The following VXN variants were observed in gnomAD, a reference collection of about 807,000 sequenced individuals.
The protein encoded by VXN is vexin.
A neutral mutation model predicts 23.1 loss-of-function variants in VXN; 7 were observed. The observed-to-expected ratio is 0.30, with a 90% CI of 0.17 to 0.57. The LOEUF (loss-of-function observed/expected upper bound fraction) is 0.57, where lower values mean the gene tolerates loss of function less well. VXN is among the 20% of genes least tolerant of loss of function. The pLI, the probability that VXN is intolerant of heterozygous loss-of-function variation, is 0.91. For synonymous variants in VXN, 120 were observed against 105.8 expected (o/e 1.13, Z -0.83); for missense variants, 238 against 272.6 (o/e 0.87, Z 0.89).
At chr8:66,501,182 GTTC>G in intron 2 of VXN, 1 of 152,168 alleles carries the variant, frequency 6.6e-6, no homozygotes, top group South Asian at 2.1e-4. Flanking sequence ...AGCCAATTTT[GTTC>G]TTTTTTATGG....
chr8:66,510,729 C>T (rs905279359), intron 4 of VXN, among the ~76,000 whole-genome samples: 5 of 152,178 alleles, frequency 3.3e-5, no homozygotes, highest in African/African-American at 1.2e-4. Flanking sequence ...TGACCACCTT[C>T]TCACTGTGGG....
At chr8:66,493,876 G>T (rs1807594320) in intron 1 of VXN, among the ~76,000 whole-genome samples, 158 bp downstream of exon 1, 1 of 152,112 alleles carries the variant, frequency 6.6e-6, no homozygotes, top group Admixed American at 6.6e-5. Flanking sequence ...GGGGGAAAGA[G>T]GCACAAGGAT....
chr8:66,505,617 G>A, intron 3 of VXN, 89 bp downstream of exon 3: 1 of 1,386,312 alleles, frequency 7.2e-7, no homozygotes, highest in Non-Finnish European at 9.4e-7. Flanking sequence ...GGGCAGCGTT[G>A]GCGGTGGCTG....
intron 5 of VXN, 96 bp downstream of exon 5, chr8:66,513,733 C>A: frequency 2.1e-6 from 2 of 937,618 alleles, no homozygotes; most frequent in Non-Finnish European, 3.3e-6. Flanking sequence ...TTGACAGACC[C>A]TCGAGAGGCC....
intron 2 of VXN, among the ~76,000 whole-genome samples, chr8:66,497,899 G>A (rs1300090189): frequency 1.3e-5 from 2 of 151,830 alleles, no homozygotes; most frequent in African/African-American, 2.4e-5. Context: ...CAGGCGCAGT[G>A]GCTCACGCCT....
At chr8:66,503,316 A>G (rs1359949351) in intron 2 of VXN, 2 of 152,216 alleles carry the variant, frequency 1.3e-5, no homozygotes. Context: ...GAATTGGGCT[A>G]GAACATTTCT....
At chr8:66,505,305 G>A in intron 2 of VXN, 70 bp from the exon 3 acceptor site, 1 of 1,543,932 alleles carries the variant, frequency 6.5e-7, no homozygotes, top group Non-Finnish European at 8.8e-7. Flanking sequence ...CAAAGCTCCT[G>A]CCCTGGGGTT....
chr8:66,501,103 T>G (rs1278910804), intron 2 of VXN: 1 of 152,064 alleles, frequency 6.6e-6, no homozygotes, highest in Non-Finnish European at 1.5e-5. Context: ...CCCAAACTCC[T>G]GACCTCAAAT....
chr8:66,513,427 A>G (rs1036829457), intron 4 of VXN, 113 bp from the exon 5 acceptor site: 8 of 877,144 alleles, frequency 9.1e-6, no homozygotes, highest in Non-Finnish European at 1.5e-5. Flanking sequence ...GATGAGGACT[A>G]TGCCCAGGCG....
In VXN at chr8:66,510,106, T is replaced by C. The variant is rs1312871894; in HGVS notation, c.291T>C (p.Ser97=). 1 of 1,613,880 alleles carries C rather than the reference T, an allele frequency of 6.2e-7. No homozygotes were observed. The highest frequency in any genetic ancestry group is 8.5e-7 in the Non-Finnish European group (1 of 1,179,928). Residue 97 remains serine (S), a synonymous_variant, in exon 4 of 6, where the codon TCT becomes TCC. Transcript: ENST00000305454. ...AKASARPVGI[S]EPKTSNLCGN... Reference sequence around the variant, plus strand: ...TGTTCAACATTGCAGTGGGGATTTCTGAACCCAAAACATCAAATCTGTGTG... The same window carrying C: ...TGTTCAACATTGCAGTGGGGATTTCCGAACCCAAAACATCAAATCTGTGTG...
At position 66,505,506 on chromosome 8, in the gene VXN, G is replaced by T; in HGVS notation, c.258G>T (p.Pro86=). 1 of 1,540,790 alleles carries T rather than the reference G, an allele frequency of 6.5e-7. No individual in the cohort carries two copies. The highest frequency in any genetic ancestry group is 8.7e-7 in the Non-Finnish European group (1 of 1,147,134). The change falls in exon 3 of 6, where the codon CCG becomes CCT. Residue 86 remains proline, a synonymous_variant. Transcript: ENST00000305454. ...LQTARPPTAH[P]AKASARPVGI... ...CCGCGCGGCCGCCCACAGCCCACCC[G>T]GCCAAAGCCTCTGCCAGACCCGGTA...
Position 66,515,877 on chromosome 8 carries a change from C to G in VXN, c.441-16C>G. ...GAGCAGACCACCCTCCCCACCCACT[C>G]CTGGCTTTTCTTTAGATCCAGACAT... On this transcript the variant is annotated splice_polypyrimidine_tract_variant and intron_variant, in intron 5 of 5. Coordinates refer to ENST00000305454, the MANE Select transcript of VXN (RefSeq NM_152765.4). 1 of 1,558,660 alleles carries G rather than the reference C, an allele frequency of 6.4e-7. No individual in the cohort carries two copies. Among genetic ancestry groups the G allele is most frequent in the Non-Finnish European group, 8.7e-7 (1 of 1,152,812 alleles).
chr8:66,512,326 T>C (rs562992384), intron 4 of VXN, among the ~76,000 whole-genome samples: 1 of 152,086 alleles, frequency 6.6e-6, no homozygotes, highest in Non-Finnish European at 1.5e-5. Flanking sequence ...CACCGGCCCA[T>C]GGCATAATGG....
At chr8:66,508,768 G>A (rs1470571526) in intron 3 of VXN, among the ~76,000 whole-genome samples, 2 of 152,132 alleles carry the variant, frequency 1.3e-5, no homozygotes, top group South Asian at 2.1e-4. Context: ...CTAAAGCCTC[G>A]TTTCCTTGAC....
intron 5 of VXN, 109 bp downstream of exon 5, chr8:66,513,746 C>A: frequency 1.3e-6 from 1 of 791,314 alleles, no homozygotes; most frequent in Non-Finnish European, 2.1e-6. Flanking sequence ...GAGAGGCCAA[C>A]ACAAACCCAT....
chr8:66,496,697 A>G (rs770583717), intron 2 of VXN, among the ~76,000 whole-genome samples: 3 of 152,152 alleles, frequency 2.0e-5, no homozygotes, highest in Non-Finnish European at 4.4e-5. Flanking sequence ...GAACTGGACC[A>G]CTTATTCTGC....
At chr8:66,507,330 C>T (rs541215836) in intron 3 of VXN, among the ~76,000 whole-genome samples, 2 of 152,314 alleles carry the variant, frequency 1.3e-5, no homozygotes, top group South Asian at 2.1e-4. Context: ...TCACTGCCTC[C>T]GCCCCACGTG....
At chr8:66,504,892 T>G (rs1807732025) in intron 2 of VXN, among the ~76,000 whole-genome samples, 1 of 152,238 alleles carries the variant, frequency 6.6e-6, no homozygotes, top group Non-Finnish European at 1.5e-5. Flanking sequence ...GCCTGAGCCC[T>G]CTCCCTAGGT....
In VXN at chr8:66,516,221, A is replaced by C; in HGVS notation, c.*145A>C. On this transcript the variant is annotated 3_prime_UTR_variant, in exon 6 of 6. Coordinates refer to ENST00000305454, the MANE Select transcript of VXN (RefSeq NM_152765.4). The stretch of plus-strand genomic sequence containing the variant: ...TCCCTCACTCATTGATTACCCTGGG[A>C]TAGGGCACAGGAAAGAAATGTCCCT... 1 of 654,798 alleles carries C rather than the reference A, an allele frequency of 1.5e-6. No individual in the cohort carries two copies. 40.6% of individuals were successfully genotyped at this position (654,798 alleles called of 1,614,324 possible).
Sources: gnomAD v4.1 joint callset for allele counts (sites outside exome capture counted in the v4.1 genomes callset) on GRCh38, gnomAD v4.1.1 for gene constraint, MANE v1.5 for transcripts, NCBI Gene and HGNC (gene_info 2026-07-23, HGNC 2026-07-21) for gene names.